The following G2E3 variants were observed in gnomAD, a reference collection of about 807,000 sequenced individuals.
The protein encoded by G2E3 is G2/M-phase specific E3 ubiquitin protein ligase.
Under a neutral mutation model 92.8 loss-of-function variants are expected in G2E3, and 35 were observed. The observed-to-expected ratio is 0.38, with a 90% confidence interval of 0.29 to 0.50. The LOEUF is 0.50. Ranked by LOEUF, G2E3 falls within the 20% of genes least tolerant of loss-of-function variation. The probability of loss-of-function intolerance (pLI) is 0.94; values close to 1 mark genes in which losing one functional copy is unlikely to be tolerated. For synonymous variants in G2E3, 242 were observed against 272.4 expected (o/e 0.89, Z 1.10); for missense variants, 554 against 823.8 (o/e 0.67, Z 4.01).
chr14:30,597,633 C>G, intron 7 of G2E3, 107 bp downstream of exon 7: 1 of 692,380 alleles, frequency 1.4e-6, no homozygotes, highest in Admixed American at 2.5e-5. Flanking sequence ...GGACAGGTAG[C>G]CATTTCAAAT....
rs780848104 is a variant in G2E3, at chr14:30,616,807, A to T, written c.*273A>T. 2 of 229,134 alleles carry T rather than the reference A, an allele frequency of 8.7e-6. No individual in the cohort carries two copies. The highest frequency in any genetic ancestry group is 2.3e-5 in the African/African-American group (1 of 43,716). 14.2% of individuals were successfully genotyped at this position (229,134 alleles called of 1,614,324 possible). ...ATATAAATACTCTCAAAATGGTTGT[A>T]TGGATTTTATTTAGGTATGGTAGCA... On this transcript the variant is annotated 3_prime_UTR_variant, in exon 15 of 15. Transcript: ENST00000206595.
At chr14:30,570,843 A>T (rs946676517) in intron 1 of G2E3, among the ~76,000 whole-genome samples, 1 of 152,114 alleles carries the variant, frequency 6.6e-6, no homozygotes, top group Non-Finnish European at 1.5e-5. Flanking sequence ...CTAAGTTTGA[A>T]GAGTTTTTTC....
intron 1 of G2E3, among the ~76,000 whole-genome samples, chr14:30,569,122 T>C (rs1005110649): frequency 6.6e-6 from 1 of 152,206 alleles, no homozygotes; most frequent in Non-Finnish European, 1.5e-5. Context: ...TACATAATTA[T>C]GTTCATTGTA....
intron 2 of G2E3, among the ~76,000 whole-genome samples, 171 bp downstream of exon 2, chr14:30,581,287 A>C (rs1252575886): frequency 6.6e-6 from 1 of 152,196 alleles, no homozygotes; most frequent in East Asian, 1.9e-4. Flanking sequence ...TCAGAAGGCA[A>C]TTTATTTGCC....
chr14:30,590,336 A>G (rs1227157627), intron 4 of G2E3, among the ~76,000 whole-genome samples: 1 of 152,092 alleles, frequency 6.6e-6, no homozygotes, highest in Non-Finnish European at 1.5e-5. Context: ...TGTTTTCCAC[A>G]GATGCCAAAG....
intron 12 of G2E3, chr14:30,611,439 T>C (rs1455580478): frequency 6.6e-6 from 1 of 152,224 alleles, no homozygotes; most frequent in Non-Finnish European, 1.5e-5. Flanking sequence ...TGTTAATGGA[T>C]TGTTTCCTAT....
chr14:30,583,772 A>T (rs10142747), intron 2 of G2E3, among the ~76,000 whole-genome samples: 8,779 of 152,298 alleles, frequency 0.058, 825 homozygotes, highest in African/African-American at 0.2. Context: ...GTAAGTATAT[A>T]CAGTTTTCTA....
intron 11 of G2E3, among the ~76,000 whole-genome samples, chr14:30,607,564 T>A (rs1351677448): frequency 6.6e-6 from 1 of 152,182 alleles, no homozygotes; most frequent in African/African-American, 2.4e-5. Context: ...ATTATAATCT[T>A]AGGGACCACC....
intron 1 of G2E3, among the ~76,000 whole-genome samples, chr14:30,562,171 G>A (rs1412414951): frequency 6.6e-6 from 1 of 152,038 alleles, no homozygotes; most frequent in Non-Finnish European, 1.5e-5. Flanking sequence ...TTCCTCTTGT[G>A]TGGGCGGCAA....
Position 30,563,826 on chromosome 14 carries a change from T to C in G2E3, c.-5+4554T>C, listed in dbSNP as rs142309400. ...CCTCCGCCTTCCCGGTTCCAGTGAT[T>C]CTCCTGCCTCAACCTCCTGAGTAGC... On this transcript the variant is annotated intron_variant, in intron 1 of 14. Coordinates refer to ENST00000206595, the MANE Select transcript of G2E3 (RefSeq NM_017769.5). 3.9e-4 allele frequency among the ~76,000 whole-genome samples: 60 copies of C among 151,910 alleles called. No individual in the cohort carries two copies. The East Asian group carries it at 0.011, about 28-fold the overall frequency.
chr14:30,593,661 C>A, intron 6 of G2E3, 22 bp downstream of exon 6: 1 of 1,539,844 alleles, frequency 6.5e-7, no homozygotes, highest in Non-Finnish European at 8.9e-7. Context: ...ATTTTGTAAG[C>A]TTTCTCTGAT....
In G2E3 at chr14:30,612,216, GCAA is replaced by G; in HGVS notation, c.1515_1517del (p.Thr506del). On this transcript the variant is annotated inframe_deletion, in exon 13 of 15. Transcript: ENST00000206595. ...TTCTCCTTCATTACAGATAAATACT[GCAA>G]CAACTGTAGCTGACTTAAAGTCAAT... 6.2e-7 allele frequency: 1 copy of G among 1,608,476 alleles called. No homozygotes were observed. Among genetic ancestry groups the G allele is most frequent in the Non-Finnish European group, 8.5e-7 (1 of 1,176,218 alleles).
At chr14:30,592,509 C>T in intron 5 of G2E3, 62 bp downstream of exon 5, 1 of 1,221,356 alleles carries the variant, frequency 8.2e-7, no homozygotes, top group Non-Finnish European at 1.2e-6. Flanking sequence ...AAATACATAT[C>T]CCAATGATAT....
chr14:30,597,250 GA>G (rs1188815299), intron 6 of G2E3, among the ~76,000 whole-genome samples, 169 bp from the exon 7 acceptor site: 4 of 152,032 alleles, frequency 2.6e-5, no homozygotes, highest in African/African-American at 9.7e-5. Context: ...AAGAATTATA[GA>G]TTTTAGCAGT....
At chr14:30,580,938 T>C (rs1594477396) in intron 1 of G2E3, 138 bp from the exon 2 acceptor site, 3 of 617,030 alleles carry the variant, frequency 4.9e-6, no homozygotes, top group Non-Finnish European at 5.9e-6. Flanking sequence ...TGATCTTAGA[T>C]GTATTAAAGG....
chr14:30,600,655 A>G (rs1161498166), intron 8 of G2E3, among the ~76,000 whole-genome samples: 5 of 152,170 alleles, frequency 3.3e-5, no homozygotes, highest in Non-Finnish European at 5.9e-5. Flanking sequence ...TTCCAGGACA[A>G]AGATATTGTC....
intron 10 of G2E3, among the ~76,000 whole-genome samples, chr14:30,604,124 G>C (rs1237972162): frequency 6.6e-6 from 1 of 152,126 alleles, no homozygotes. Flanking sequence ...CCTTGCTCCT[G>C]CTTTAACATG....
At position 30,608,223 on chromosome 14, in the gene G2E3, TA is replaced by T. The variant is rs372250000; in HGVS notation, c.1500+158del. ...TTTACCAGTGGAGTTCTGAACCAGT[TA>T]AAAGATAGTTTTAAAAGTCAGATGG... On this transcript the variant is annotated intron_variant, in intron 12 of 14. Coordinates refer to ENST00000206595, the MANE Select transcript of G2E3 (RefSeq NM_017769.5). 1.2e-4 allele frequency among the ~76,000 whole-genome samples: 18 copies of T among 152,372 alleles called. No homozygotes were observed. The South Asian group carries it at 3.5e-3, about 30-fold the overall frequency.
rs551211509 is a variant in G2E3, at chr14:30,617,429, A to T, written c.*895A>T. On this transcript the variant is annotated 3_prime_UTR_variant, in exon 15 of 15. Transcript: ENST00000206595. ...TTGTTGTTGTTGTTGTTTGTATCCT[A>T]TGTTTGGTATTCTGTATGTCTGATC... The T allele has an allele frequency of 6.6e-6, 1 of 151,928 alleles. No homozygotes were observed. Among genetic ancestry groups the T allele is most frequent in the Non-Finnish European group, 1.5e-5 (1 of 67,934 alleles). 9.4% of individuals were successfully genotyped at this position (151,928 alleles called of 1,614,324 possible). A position where few individuals can be genotyped will look rare whatever the true frequency, so the allele number is the denominator to read the frequency against.
Sources: gnomAD v4.1 joint callset for allele counts (sites outside exome capture counted in the v4.1 genomes callset) on GRCh38, gnomAD v4.1.1 for gene constraint, MANE v1.5 for transcripts, NCBI Gene and HGNC (gene_info 2026-07-23, HGNC 2026-07-21) for gene names.